The following NCKAP5 variants were observed in gnomAD, a reference collection of about 807,000 sequenced individuals.
NCKAP5 encodes the protein nck-associated protein 5.
A neutral mutation model predicts 167.0 loss-of-function variants in NCKAP5; 92 were observed. The observed-to-expected ratio is 0.55, with a 90% CI of 0.47 to 0.66. The LOEUF (loss-of-function observed/expected upper bound fraction) is 0.66. Among genes scored for constraint, NCKAP5 ranks in the 30% least tolerant of loss-of-function variants. NCKAP5 has a pLI of 0.00. For missense variants in NCKAP5, 2,378 were observed against 2,315.0 expected, an observed-to-expected ratio of 1.03 and a Z score of -0.56; for synonymous variants, 891 against 877.4, an observed-to-expected ratio of 1.02 and a Z score of -0.27.
At chr2:132,961,844 G>C (rs2076519879) in intron 8 of NCKAP5, among the ~76,000 whole-genome samples, 1 of 152,224 alleles carries the variant, frequency 6.6e-6, no homozygotes, top group African/African-American at 2.4e-5. Context: ...CTGGGAGTAA[G>C]AAATGATAAT....
chr2:132,732,883 C>A (rs1691164098), intron 16 of NCKAP5, among the ~76,000 whole-genome samples: 1 of 152,168 alleles, frequency 6.6e-6, no homozygotes. Context: ...GGGTACCTTT[C>A]CCATCATAAC....
intron 11 of NCKAP5, among the ~76,000 whole-genome samples, chr2:132,822,367 G>A (rs1331327456): frequency 1.3e-5 from 2 of 152,208 alleles, no homozygotes; most frequent in Non-Finnish European, 2.9e-5. Context: ...ACCTGAAGAT[G>A]GACCGCATCA....
intron 2 of NCKAP5, among the ~76,000 whole-genome samples, chr2:133,525,656 C>T (rs1264478341): frequency 2.0e-5 from 3 of 152,066 alleles, no homozygotes; most frequent in African/African-American, 4.8e-5. Flanking sequence ...TCATATAATC[C>T]ACCCTTTTAA....
intron 4 of NCKAP5, among the ~76,000 whole-genome samples, chr2:133,298,355 T>A (rs956943442): frequency 1.3e-5 from 2 of 152,206 alleles, no homozygotes; most frequent in African/African-American, 2.4e-5. Context: ...AGCATTTTTA[T>A]TAGATCCTCT....
intron 7 of NCKAP5, among the ~76,000 whole-genome samples, chr2:132,970,661 T>C (rs551046539): frequency 6.6e-6 from 1 of 152,314 alleles, no homozygotes; most frequent in African/African-American, 2.4e-5. Context: ...AAGCAATCCT[T>C]AGAGCTGTAA....
At position 133,517,466 on chromosome 2, in the gene NCKAP5, T is replaced by A. The variant is rs753095474; in HGVS notation, c.61A>T (p.Ser21Cys). The A allele has an allele frequency of 1.3e-6, 2 of 1,512,396 alleles. No individual in the cohort carries two copies. Among genetic ancestry groups the A allele is most frequent in the African/African-American group, 2.8e-5 (2 of 72,018 alleles). 93.7% of individuals were successfully genotyped at this position (1,512,396 alleles called of 1,614,324 possible). The part of the protein sequence containing the change: ...DFGKRLSLDS[S>C]LVEYMDSNKY... ...GAATATTTAGTACTTACCACAAGAC[T>A]GCTGTCTAGAGACAGCCTTTTTCCA... Residue 21 changes from serine to cysteine, a missense_variant, in exon 3 of 20, where the codon AGT becomes TGT. Ser to Cys is a moderately radical substitution (Grantham distance 112). Around this residue, in one of 3 missense-constraint regions of NCKAP5, gnomAD observed 1,049 missense variants for 1,023.4 expected, o/e 1.02. Transcript: ENST00000409261.
chr2:132,912,355 A>T (rs1206793401), intron 8 of NCKAP5, among the ~76,000 whole-genome samples: 1 of 152,190 alleles, frequency 6.6e-6, no homozygotes, highest in African/African-American at 2.4e-5. Context: ...CAAATAACCC[A>T]TAATAAAACT....
Position 132,725,741 on chromosome 2 carries a change from A to G in NCKAP5, c.5599T>C (p.Cys1867Arg), listed in dbSNP as rs1690393154. 6 of 1,613,362 alleles carry G rather than the reference A, an allele frequency of 3.7e-6. No individual in the cohort carries two copies. Among genetic ancestry groups the G allele is most frequent in the Non-Finnish European group, 5.1e-6 (6 of 1,179,730 alleles). Residue 1867 changes from cysteine to arginine, a missense_variant, in exon 19 of 20, where the codon TGT becomes CGT. By Grantham distance (180) the Cys-to-Arg change is radical. Transcript: ENST00000409261. ...TGTQDKAPRM[C>R]TYSASGGSNS... Reference sequence around the variant, plus strand: ...CTGCCACCGCTGGCAGAGTACGTACACATTCTGGGTGCCTTGTCCTAAATG... The same window carrying G: ...CTGCCACCGCTGGCAGAGTACGTACGCATTCTGGGTGCCTTGTCCTAAATG...
chr2:132,971,205 AGTTT>A, intron 7 of NCKAP5, among the ~76,000 whole-genome samples: 1 of 152,322 alleles, frequency 6.6e-6, no homozygotes, highest in South Asian at 2.1e-4. Flanking sequence ...TGTGAGGAAG[AGTTT>A]CAAGGTGCTT....
chr2:133,399,385 TA>T (rs5834357), intron 3 of NCKAP5, among the ~76,000 whole-genome samples: 6,912 of 139,008 alleles, frequency 0.05, 211 homozygotes, highest in Non-Finnish European at 0.077. Context: ...ACCCTAAGAT[TA>T]AAAAAAAAAA....
rs1338239459 is a variant in NCKAP5 at position 132,773,896 on chromosome 2, T to A, written c.5050-2A>T. 1.2e-6 allele frequency: 2 copies of A among 1,608,158 alleles called. No homozygotes were observed. Among genetic ancestry groups the A allele is most frequent in the South Asian group, 2.2e-5 (2 of 89,506 alleles). On this transcript the variant is annotated splice_acceptor_variant, in intron 15 of 19. Transcript: ENST00000409261. LOFTEE classifies it high-confidence loss of function. ...CAAGTTTTCATTTGCCTCTTTTACC[T>A]GCAGGAAGAAGAAAATGATGCAAGT...
intron 6 of NCKAP5, among the ~76,000 whole-genome samples, chr2:133,026,288 GTAGGTTGTTTGATGA>G (rs1412942411): frequency 6.6e-6 from 1 of 151,706 alleles, no homozygotes; most frequent in Non-Finnish European, 1.5e-5. Context: ...CTCCCATTCT[GTAGGTTGTTTGATGA>G]TAGGTTCTTT....
At chr2:133,125,500 G>C (rs546131029) in intron 6 of NCKAP5, among the ~76,000 whole-genome samples, 1 of 152,190 alleles carries the variant, frequency 6.6e-6, no homozygotes, top group South Asian at 2.1e-4. Context: ...GAAGAATTTG[G>C]AATTTTAGAT....
At chr2:133,091,683 C>G (rs1315812497) in intron 6 of NCKAP5, among the ~76,000 whole-genome samples, 1 of 152,048 alleles carries the variant, frequency 6.6e-6, no homozygotes, top group Non-Finnish European at 1.5e-5. Flanking sequence ...GTCAGGAGAT[C>G]GAGACCATCC....
chr2:133,610,171 C>T, the NCKAP5 span, among the ~76,000 whole-genome samples: 3 of 152,240 alleles, frequency 2.0e-5, no homozygotes, highest in East Asian at 5.8e-4. Flanking sequence ...CTCCTTAATA[C>T]CATGAGAAAG....
chr2:133,266,897 T>G (rs1189795811), intron 4 of NCKAP5, among the ~76,000 whole-genome samples: 1 of 152,086 alleles, frequency 6.6e-6, no homozygotes, highest in African/African-American at 2.4e-5. Flanking sequence ...CGGCTTGCGC[T>G]CTGATGAGGA....
intron 6 of NCKAP5, among the ~76,000 whole-genome samples, chr2:133,077,998 A>G (rs972264514): frequency 2.6e-5 from 4 of 152,176 alleles, no homozygotes; most frequent in Non-Finnish European, 5.9e-5. Flanking sequence ...AAGACTGAAA[A>G]GTGAGGTTAA....
Position 132,935,026 on chromosome 2 carries a change from G to A in NCKAP5, c.579+28694C>T, listed in dbSNP as rs764337856. Among the ~76,000 whole-genome samples, 242 of 152,262 alleles carry A rather than the reference G, an allele frequency of 1.6e-3. 2 individuals are homozygous for A. Among genetic ancestry groups the A allele is most frequent in the Non-Finnish European group, 1.8e-3 (123 of 68,030 alleles). ...CCAGGGATAAACCAATCAGTACATG[G>A]CTTTTTTCCCAGCTACAAGAGATTG... On this transcript the variant is annotated intron_variant, in intron 8 of 19. Coordinates refer to ENST00000409261, the MANE Select transcript of NCKAP5 (RefSeq NM_207363.3).
intron 5 of NCKAP5, among the ~76,000 whole-genome samples, chr2:133,162,054 T>C (rs2083814849): frequency 1.3e-5 from 2 of 152,366 alleles, no homozygotes; most frequent in Middle Eastern, 3.4e-3. Flanking sequence ...CACTTACTCA[T>C]TCTTGGCCTT....
Sources: allele counts gnomAD v4.1 joint callset (sites outside exome capture counted in the v4.1 genomes callset), GRCh38; gene constraint gnomAD v4.1.1; regional missense constraint gnomAD v4.1.1; transcripts MANE v1.5; gene names NCBI Gene and HGNC (gene_info 2026-07-23, HGNC 2026-07-21).